Variants in ANKS1A observed in about 807,000 individuals in gnomAD.
ANKS1A encodes the protein ankyrin repeat and sterile alpha motif domain containing 1A.
A neutral mutation model predicts 120.3 loss-of-function variants in ANKS1A; 55 were observed. The observed-to-expected ratio is 0.46, with a 90% CI of 0.37 to 0.57. The LOEUF (loss-of-function observed/expected upper bound fraction) is 0.57, where lower values mean the gene tolerates loss of function less well. Among genes scored for constraint, ANKS1A ranks in the 20% least tolerant of loss-of-function variants. The pLI is 0.00. For missense variants in ANKS1A, 1,123 were observed against 1,480.3 expected (o/e 0.76, Z 3.96); for synonymous variants, 590 against 604.7 (o/e 0.98, Z 0.36).
intron 1 of ANKS1A, among the ~76,000 whole-genome samples, chr6:34,913,258 C>T (rs75722984): frequency 2.0e-5 from 3 of 152,188 alleles, no homozygotes; most frequent in Non-Finnish European, 2.9e-5. Flanking sequence ...GTAATAGTGA[C>T]TGAGCTGAAG....
intron 11 of ANKS1A, among the ~76,000 whole-genome samples, chr6:35,041,116 T>G (rs1227769286): frequency 6.6e-6 from 1 of 152,222 alleles, no homozygotes; most frequent in East Asian, 1.9e-4. Context: ...ATACTAAAAA[T>G]AACAGTTGTC....
At chr6:35,069,951 TG>T (rs1373637022) in intron 13 of ANKS1A, among the ~76,000 whole-genome samples, 1 of 138,228 alleles carries the variant, frequency 7.2e-6, no homozygotes, top group Admixed American at 8.0e-5. Flanking sequence ...CGCTTGAACC[TG>T]GGAGGTGGAA....
intron 1 of ANKS1A, among the ~76,000 whole-genome samples, chr6:34,944,294 A>T (rs1326413122): frequency 2.0e-5 from 3 of 151,950 alleles, no homozygotes; most frequent in Non-Finnish European, 4.4e-5. Flanking sequence ...AAAAGTGGAC[A>T]TATTATTTTG....
intron 10 of ANKS1A, among the ~76,000 whole-genome samples, chr6:34,997,567 GATA>G (rs1324422561): frequency 6.6e-6 from 1 of 152,104 alleles, no homozygotes; most frequent in African/African-American, 2.4e-5. Context: ...CTAGTCATTC[GATA>G]ATAAATTATG....
Position 35,085,676 on chromosome 6 carries a change from G to T in ANKS1A, c.3133-90G>T. ...AGGAGCGCTCCCGGGTAGACTTAGA[G>T]GGGGACACATGGTCCCTGCGAGGAA... On this transcript the variant is annotated intron_variant, in intron 21 of 23. Transcript: ENST00000360359. The surrounding 1 kb of genome is among the most constrained non-coding windows in gnomAD (Gnocchi z 4.7). 7.3e-7 allele frequency: 1 copy of T among 1,372,954 alleles called. No homozygotes were observed. Among genetic ancestry groups the T allele is most frequent in the African/African-American group, 1.5e-5 (1 of 68,032 alleles). The allele number at this position is 1,372,954 out of a possible 1,614,324, so 85.0% of individuals were successfully genotyped here.
chr6:34,899,685 G>A (rs1767252963), intron 1 of ANKS1A, among the ~76,000 whole-genome samples: 1 of 152,202 alleles, frequency 6.6e-6, no homozygotes, highest in Non-Finnish European at 1.5e-5. Context: ...TGTCTGAAAG[G>A]TTCTTAGACT....
In ANKS1A at chr6:35,049,010, G is replaced by C. The variant is rs1459811561; in HGVS notation, c.2011-5089G>C. 3.3e-5 allele frequency among the ~76,000 whole-genome samples: 5 copies of C among 152,236 alleles called. No individual in the cohort carries two copies. The South Asian group carries it at 1.0e-3, about 32-fold the overall frequency. ...AAAGTGAGAGCACTGCCCTCTGTGG[G>C]CAGTTTGGGAGTGCCTGTGGAGGAG... On this transcript the variant is annotated intron_variant, in intron 11 of 23. Coordinates refer to ENST00000360359, the MANE Select transcript of ANKS1A (RefSeq NM_015245.3).
chr6:34,991,277 C>T (rs1233381597), intron 9 of ANKS1A, among the ~76,000 whole-genome samples: 2 of 152,120 alleles, frequency 1.3e-5, no homozygotes, highest in African/African-American at 4.8e-5. Context: ...ACATTAGACA[C>T]ATATACTCAC....
At chr6:34,995,311 A>G (rs918776166) in intron 10 of ANKS1A, among the ~76,000 whole-genome samples, 3 of 151,990 alleles carry the variant, frequency 2.0e-5, no homozygotes, top group Non-Finnish European at 4.4e-5. Context: ...TTTATTTTTA[A>G]TGGTCCTGTT....
chr6:34,891,155 A>G (rs1766803157), intron 1 of ANKS1A, among the ~76,000 whole-genome samples: 1 of 152,108 alleles, frequency 6.6e-6, no homozygotes, highest in Admixed American at 6.5e-5. Context: ...GCCTTGAAGG[A>G]TGTGAGGATT....
intron 3 of ANKS1A, among the ~76,000 whole-genome samples, chr6:34,974,771 T>C (rs1413984753): frequency 1.3e-5 from 2 of 152,180 alleles, no homozygotes; most frequent in African/African-American, 4.8e-5. Context: ...AGATAATATA[T>C]ATAAAGTAAA....
intron 11 of ANKS1A, 80 bp from the exon 12 acceptor site, chr6:35,054,019 C>T: frequency 1.7e-6 from 2 of 1,185,224 alleles, no homozygotes; most frequent in Non-Finnish European, 1.3e-6. Flanking sequence ...GGAGGTCAGA[C>T]CCCACTGGCG....
rs1285602373 is a variant in ANKS1A, at chr6:34,985,065, C to T, written c.1013-17C>T. ...GCTCCCCTTCAGTGACTCTCTTGCC[C>T]TCCATCCTCCTCTCAGGTGACGTGG... On this transcript the variant is annotated splice_polypyrimidine_tract_variant and intron_variant, in intron 7 of 23. Coordinates refer to ENST00000360359, the MANE Select transcript of ANKS1A (RefSeq NM_015245.3). 6.2e-7 allele frequency: 1 copy of T among 1,606,084 alleles called. No homozygotes were observed. The highest frequency in any genetic ancestry group is 8.5e-7 in the Non-Finnish European group (1 of 1,175,382).
At chr6:35,017,139 C>A (rs1310711557) in intron 10 of ANKS1A, among the ~76,000 whole-genome samples, 1 of 152,094 alleles carries the variant, frequency 6.6e-6, no homozygotes, top group Non-Finnish European at 1.5e-5. Flanking sequence ...CTAGGTTATA[C>A]TTAACACTCT....
At chr6:35,070,484 CTTTTTTTTTT>C (rs869249276) in intron 13 of ANKS1A, among the ~76,000 whole-genome samples, 1 of 62,972 alleles carries the variant, frequency 1.6e-5, no homozygotes, top group Non-Finnish European at 2.9e-5. Context: ...AAGCCTTTAT[CTTTTTTTTTT>C]TTTTTTTTTT....
intron 10 of ANKS1A, among the ~76,000 whole-genome samples, chr6:35,017,019 T>C (rs1226714991): frequency 2.0e-5 from 3 of 148,996 alleles, no homozygotes; most frequent in African/African-American, 7.4e-5. Context: ...TTGGCCTTTA[T>C]GGAAATGTAT....
Position 34,981,738 on chromosome 6 carries a change from A to G in ANKS1A, c.484A>G (p.Thr162Ala). 6.2e-7 allele frequency: 1 copy of G among 1,614,216 alleles called. No individual in the cohort carries two copies. Among genetic ancestry groups the G allele is most frequent in the Non-Finnish European group, 8.5e-7 (1 of 1,180,034 alleles). The change falls in exon 4 of 24, where the codon ACA becomes GCA. Residue 162 changes from threonine (T) to alanine (A), a missense_variant. Physicochemically the swap from Thr to Ala is moderately conservative, Grantham distance 58. This residue lies in a region of ANKS1A where 146 missense variants were observed against 267.8 expected (regional missense o/e 0.55). Coordinates refer to ENST00000360359, the MANE Select transcript of ANKS1A (RefSeq NM_015245.3). ...ALHCAAQYGH[T>A]EVVKVLLEEL... ...GCATTGTGCAGCGCAGTATGGCCACACAGAGGTGGTGAAGGTGCTCTTAGA... is the reference window on the plus strand; with the variant it reads ...GCATTGTGCAGCGCAGTATGGCCACGCAGAGGTGGTGAAGGTGCTCTTAGA...
At chr6:34,942,764 G>C (rs1769593684) in intron 1 of ANKS1A, among the ~76,000 whole-genome samples, 1 of 151,596 alleles carries the variant, frequency 6.6e-6, no homozygotes, top group Non-Finnish European at 1.5e-5. Flanking sequence ...AGGGAGTGTG[G>C]GATTTTTTAA....
intron 1 of ANKS1A, among the ~76,000 whole-genome samples, chr6:34,948,431 G>T (rs1399251764): frequency 6.6e-6 from 1 of 152,140 alleles, no homozygotes; most frequent in Non-Finnish European, 1.5e-5. Flanking sequence ...TAGAACTAAA[G>T]CAGAGAGGAG....
Sources: gnomAD v4.1 joint callset for allele counts (sites outside exome capture counted in the v4.1 genomes callset) on GRCh38, gnomAD v4.1.1 for gene constraint, gnomAD v4.1.1 regional missense constraint, Gnocchi (gnomAD v3.1) non-coding constraint, MANE v1.5 for transcripts, NCBI Gene and HGNC (gene_info 2026-07-23, HGNC 2026-07-21) for gene names.